GDA: variants seen among roughly 807,000 people sequenced by gnomAD.
The protein encoded by GDA is cytoplasmic PSD-95 interactor.
In GDA, 18 loss-of-function variants were observed where a neutral mutation model predicts 59.6. The ratio of observed to expected loss-of-function variants is 0.30; its 90% CI spans 0.21 to 0.45. The LOEUF (loss-of-function observed/expected upper bound fraction) is 0.45. Ranked by LOEUF, GDA falls within the 20% of genes least tolerant of loss-of-function variation. The pLI, the probability that GDA is intolerant of heterozygous loss-of-function variation, is 1.00. For synonymous variants in GDA, 201 were observed against 201.1 expected (o/e 1.00, Z 0.00); for missense variants, 427 against 552.3 (o/e 0.77, Z 2.27).
At chr9:72,177,092 C>CTTTTTTTTTTT (rs58433062) in intron 1 of GDA, among the ~76,000 whole-genome samples, 1 of 67,798 alleles carries the variant, frequency 1.5e-5, no homozygotes, top group African/African-American at 5.5e-5. Flanking sequence ...TTATAAACTG[C>CTTTTTTTTTTT]TTTTTTTTTT....
chr9:72,234,205 A>C (rs1200322095), intron 10 of GDA, among the ~76,000 whole-genome samples: 1 of 152,184 alleles, frequency 6.6e-6, no homozygotes, highest in Non-Finnish European at 1.5e-5. Flanking sequence ...AGACCAACAG[A>C]ACTAACTGAT....
chr9:72,202,736 A>G lies in GDA; in HGVS notation c.378A>G (p.Arg126=), dbSNP rs768469943. Residue 126 remains arginine, a synonymous_variant, in exon 3 of 14, where the codon AGA becomes AGG. Transcript: ENST00000358399. ...ACTTTGCAGAAGAAGTATATACCAG[A>G]GTTGTCGTAAGTATCTTGTGTGTGA... The part of the protein sequence containing the change: ...NIDFAEEVYT[R]VVRRTLKNGT... 25 of 1,608,396 alleles carry G rather than the reference A, an allele frequency of 1.6e-5. No individual in the cohort carries two copies. The highest frequency in any genetic ancestry group is 2.1e-5 in the Non-Finnish European group (25 of 1,176,400).
chr9:72,127,940 T>A (rs1825901242), intron 1 of GDA, among the ~76,000 whole-genome samples: 1 of 152,200 alleles, frequency 6.6e-6, no homozygotes, highest in Non-Finnish European at 1.5e-5. Flanking sequence ...TTTGGCCAGT[T>A]TGTTCTTTTT....
At chr9:72,119,272 A>T (rs1475396885) in intron 1 of GDA, among the ~76,000 whole-genome samples, 1 of 152,160 alleles carries the variant, frequency 6.6e-6, no homozygotes, top group Middle Eastern at 3.2e-3. Flanking sequence ...CAGGAGGCCG[A>T]GGGGGGCAGA....
At chr9:72,145,808 C>G (rs1826606749), upstream of GDA, among the ~76,000 whole-genome samples, 1 of 152,202 alleles carries the variant, frequency 6.6e-6, no homozygotes, top group Non-Finnish European at 1.5e-5. Flanking sequence ...TGAAATAAAA[C>G]TCATCCTTAA....
At position 72,133,177 on chromosome 9, in the gene GDA, C is replaced by G. The variant is rs148415241; in HGVS notation, c.-100+18344C>G. Among the ~76,000 whole-genome samples, 1,324 of 150,630 alleles carry G rather than the reference C, an allele frequency of 8.8e-3. 22 individuals are homozygous for G. Among genetic ancestry groups the G allele is most frequent in the African/African-American group, 0.031 (1,260 of 41,022 alleles). On this transcript the variant is annotated intron_variant, in intron 1 of 13. Transcript: ENST00000545168. Reference sequence around the variant, plus strand: ...TGGTAGTGCATGCCTGTAGTCCCAGCTACTTGGGAGGCTGAGGCAGGGGAA... The same window carrying G: ...TGGTAGTGCATGCCTGTAGTCCCAGGTACTTGGGAGGCTGAGGCAGGGGAA...
At chr9:72,122,079 T>C (rs1480762430) in intron 1 of GDA, among the ~76,000 whole-genome samples, 11 of 152,334 alleles carry the variant, frequency 7.2e-5, no homozygotes, top group South Asian at 2.1e-4. Flanking sequence ...TTACAAGTAC[T>C]GTCCTGGGAT....
intron 1 of GDA, among the ~76,000 whole-genome samples, chr9:72,163,229 G>A (rs1253253429): frequency 6.6e-6 from 1 of 152,168 alleles, no homozygotes; most frequent in East Asian, 1.9e-4. Context: ...GATGGATATG[G>A]TGGCTGTCAC....
chr9:72,135,764 C>T (rs549712077), intron 1 of GDA, among the ~76,000 whole-genome samples: 21 of 152,152 alleles, frequency 1.4e-4, no homozygotes, highest in African/African-American at 3.9e-4. Context: ...GCACCCCCCA[C>T]TATGCCTAGC....
chr9:72,211,062 TTTG>T (rs1835295661), intron 4 of GDA, among the ~76,000 whole-genome samples: 2 of 152,294 alleles, frequency 1.3e-5, no homozygotes, highest in African/African-American at 4.8e-5. Flanking sequence ...GAGTCTGAAT[TTTG>T]TGTATTAATT....
chr9:72,258,604 A>G (rs1300687140), downstream of GDA, among the ~76,000 whole-genome samples: 1 of 152,214 alleles, frequency 6.6e-6, no homozygotes, highest in Admixed American at 6.5e-5. Flanking sequence ...ATGTTAAGAC[A>G]TTGCTAATTC....
At chr9:72,245,745 C>G (rs536898402) in intron 12 of GDA, among the ~76,000 whole-genome samples, 71 of 152,276 alleles carry the variant, frequency 4.7e-4, no homozygotes, top group African/African-American at 1.7e-3. Flanking sequence ...GGATTCACAC[C>G]TGGGACTTTC....
Position 72,213,273 on chromosome 9 carries a change from A to AAAAC in GDA, c.473-597_473-594dup, listed in dbSNP as rs1394974717. ...CAGAGTGAGACTCCGTCTCAAAAAC[A>AAAAC]AAACAAACAAACAAACAAAAAAACC... On this transcript the variant is annotated intron_variant, in intron 4 of 13. Transcript: ENST00000358399. Among the ~76,000 whole-genome samples, 194 of 152,226 alleles carry AAAAC rather than the reference A, an allele frequency of 1.3e-3. 2 individuals carry two copies. Among genetic ancestry groups the AAAAC allele is most frequent in the African/African-American group, 4.2e-3 (175 of 41,494 alleles).
At chr9:72,165,800 AG>A (rs1366429603) in intron 1 of GDA, among the ~76,000 whole-genome samples, 5 of 66,282 alleles carry the variant, frequency 7.5e-5, no homozygotes. Context: ...TGGGAGGCTG[AG>A]GGGGGAGAAC....
chr9:72,222,978 G>A (rs910534581), intron 6 of GDA, 142 bp from the exon 7 acceptor site: 6 of 517,310 alleles, frequency 1.2e-5, no homozygotes, highest in Admixed American at 7.5e-5. Context: ...AAAGTGCTGG[G>A]ATTACAGGTG....
intron 1 of GDA, among the ~76,000 whole-genome samples, chr9:72,123,455 T>G (rs1222116818): frequency 2.0e-5 from 3 of 149,438 alleles, no homozygotes; most frequent in Admixed American, 1.4e-4. Flanking sequence ...AGTGCTGGGA[T>G]GACAGGCGTA....
intron 6 of GDA, among the ~76,000 whole-genome samples, chr9:72,221,796 G>A (rs1564111723): frequency 6.6e-6 from 1 of 152,168 alleles, no homozygotes; most frequent in Non-Finnish European, 1.5e-5. Flanking sequence ...ACTTATAAGT[G>A]AGAACATGCA....
chr9:72,193,749 C>G (rs1321321027), intron 1 of GDA: 2 of 152,304 alleles, frequency 1.3e-5, no homozygotes, highest in Non-Finnish European at 2.9e-5. Context: ...CCGCAGTTCC[C>G]TGGCAGTTCT....
chr9:72,170,869 G>T (rs1829881677), intron 1 of GDA, among the ~76,000 whole-genome samples: 1 of 152,138 alleles, frequency 6.6e-6, no homozygotes, highest in African/African-American at 2.4e-5. Flanking sequence ...TGGCTGTAGT[G>T]CAGTGGCGCG....
Sources: gnomAD v4.1 joint callset for allele counts (sites outside exome capture counted in the v4.1 genomes callset) on GRCh38, gnomAD v4.1.1 for gene constraint, MANE v1.5 for transcripts, NCBI Gene and HGNC (gene_info 2026-07-23, HGNC 2026-07-21) for gene names.